DNAH7: variants seen among roughly 807,000 people sequenced by gnomAD.
DNAH7 encodes the protein dynein axonemal heavy chain 7.
In DNAH7, 397 loss-of-function variants were observed where a neutral mutation model predicts 444.6. The ratio of observed to expected loss-of-function variants is 0.89; its 90% CI spans 0.82 to 0.97. The LOEUF is 0.97. Ranked by LOEUF, DNAH7 falls within the 50% of genes least tolerant of loss-of-function variation. The pLI is 0.00. For synonymous variants in DNAH7, 1,636 were observed against 1,624.4 expected (o/e 1.01, Z -0.17); for missense variants, 4,902 against 4,800.8 (o/e 1.02, Z -0.62).
chr2:195,833,580 T>A (rs897596890), intron 48 of DNAH7, among the ~76,000 whole-genome samples: 2 of 152,212 alleles, frequency 1.3e-5, no homozygotes, highest in African/African-American at 4.8e-5. Flanking sequence ...ATTTAAAGCA[T>A]GACTAATAAC....
intron 5 of DNAH7, among the ~76,000 whole-genome samples, chr2:196,040,987 A>G (rs536560558): frequency 6.6e-6 from 1 of 152,216 alleles, no homozygotes; most frequent in African/African-American, 2.4e-5. Flanking sequence ...ATTACCTAGG[A>G]AGAAATTTAA....
intron 12 of DNAH7, among the ~76,000 whole-genome samples, chr2:195,988,524 A>C (rs1230687954): frequency 6.6e-6 from 1 of 152,126 alleles, no homozygotes; most frequent in Admixed American, 6.6e-5. Flanking sequence ...AGAATAAAAA[A>C]CAGCAAGATA....
intron 39 of DNAH7, 24 bp from the exon 40 acceptor site, chr2:195,872,493 G>A: frequency 1.3e-6 from 2 of 1,490,526 alleles, no homozygotes; most frequent in Non-Finnish European, 1.8e-6. Context: ...TAAATAAAAA[G>A]AAAGGAAAAT....
rs375585170 is a variant in DNAH7, at chr2:195,835,117, A to T, written c.8946-757T>A. ...CAATTACTGTATGATATTCAACCAC[A>T]TAGCTTTCCACCTTGTGTGAAATGT... is the stretch of plus-strand genomic sequence containing the variant. On this transcript the variant is annotated intron_variant, in intron 47 of 64. Transcript: ENST00000312428. 1.3e-3 allele frequency among the ~76,000 whole-genome samples: 202 copies of T among 152,316 alleles called. 7 individuals are homozygous for T. The South Asian group carries it at 0.034, about 26-fold the overall frequency.
intron 14 of DNAH7, 40 bp from the exon 15 acceptor site, chr2:195,984,750 T>G: frequency 6.5e-7 from 1 of 1,534,004 alleles, no homozygotes; most frequent in Non-Finnish European, 9.0e-7. Context: ...TATTTACAGT[T>G]CAATTTAATT....
chr2:195,754,524 A>G lies in DNAH7; in HGVS notation c.11587-10T>C. On this transcript the variant is annotated splice_polypyrimidine_tract_variant and intron_variant, in intron 62 of 64. Coordinates refer to ENST00000312428, the MANE Select transcript of DNAH7 (RefSeq NM_018897.3). ...CAACCTCATACCATTGCTAGGGTGT[A>G]AAACACAAGTGGGCTAACAGTAGCA... 1.2e-6 allele frequency: 2 copies of G among 1,612,396 alleles called. No homozygotes were observed. Among genetic ancestry groups the G allele is most frequent in the Non-Finnish European group, 8.5e-7 (1 of 1,179,256 alleles).
At chr2:195,895,815 T>C (rs1338826678) in intron 29 of DNAH7, among the ~76,000 whole-genome samples, 1 of 152,228 alleles carries the variant, frequency 6.6e-6, no homozygotes, top group Non-Finnish European at 1.5e-5. Context: ...ATATACATAC[T>C]ACTTTTTCCC....
chr2:195,854,453 A>G (rs1008758341), intron 45 of DNAH7, among the ~76,000 whole-genome samples: 1 of 152,224 alleles, frequency 6.6e-6, no homozygotes, highest in Non-Finnish European at 1.5e-5. Flanking sequence ...TTCTGTATCA[A>G]TTTATCTAAA....
At chr2:196,015,946 C>A (rs929071444) in intron 9 of DNAH7, among the ~76,000 whole-genome samples, 1 of 152,186 alleles carries the variant, frequency 6.6e-6, no homozygotes, top group Non-Finnish European at 1.5e-5. Context: ...TTCTTTCACC[C>A]ACAGACTGCA....
rs377019143 is a variant in DNAH7, at chr2:195,874,675, A to G, written c.6287-981T>C. ...TCTCCACAAAATATGAAACAAAATTAGCCATGCATGGTGATGCATGCCTGT... is the reference window on the plus strand; with the variant it reads ...TCTCCACAAAATATGAAACAAAATTGGCCATGCATGGTGATGCATGCCTGT... On this transcript the variant is annotated intron_variant, in intron 38 of 64. Coordinates refer to ENST00000312428, the MANE Select transcript of DNAH7 (RefSeq NM_018897.3). Among the ~76,000 whole-genome samples the G allele has an allele frequency of 3.9e-5, 6 of 151,994 alleles. 1 individual carries two copies. The South Asian group carries it at 1.0e-3, about 26-fold the overall frequency.
chr2:195,741,067 A>C, intron 63 of DNAH7, 198 bp from the exon 64 acceptor site: 1 of 276,498 alleles, frequency 3.6e-6, no homozygotes, highest in Non-Finnish European at 6.8e-6. Context: ...CTAGTGAAAT[A>C]AGACAATAGT....
intron 8 of DNAH7, among the ~76,000 whole-genome samples, chr2:196,022,378 G>C (rs1695436103): frequency 6.6e-6 from 1 of 152,160 alleles, no homozygotes; most frequent in African/African-American, 2.4e-5. Context: ...TACCCAACTA[G>C]AACTTCTTTC....
At chr2:195,938,191 T>C (rs1023374023) in intron 19 of DNAH7, among the ~76,000 whole-genome samples, 6 of 152,068 alleles carry the variant, frequency 3.9e-5, no homozygotes, top group African/African-American at 1.4e-4. Context: ...GAAACAGCAA[T>C]TTAATCAAAG....
rs781194016 is a variant in DNAH7 at position 195,936,666 on chromosome 2, G to A, written c.3205C>T (p.Pro1069Ser). 4 of 1,604,576 alleles carry A rather than the reference G, an allele frequency of 2.5e-6. No individual in the cohort carries two copies. The highest frequency in any genetic ancestry group is 8.5e-7 in the Non-Finnish European group (1 of 1,176,728). ...TCATTGGACAAAAAAAAGAATCTGG[G>A]GAAAAAGAGGCGTTTCTTTTCCAAA... Reference protein sequence around the residue: ...EYLEKKRLFFPRFFFLSNDEL... With the variant: ...EYLEKKRLFFSRFFFLSNDEL... Residue 1069 changes from proline to serine, a missense_variant, in exon 20 of 65, where the codon CCC becomes TCC. Physicochemically the swap from Pro to Ser is moderately conservative, Grantham distance 74 (BLOSUM62 -1). Coordinates refer to ENST00000312428, the MANE Select transcript of DNAH7 (RefSeq NM_018897.3).
intron 55 of DNAH7, among the ~76,000 whole-genome samples, chr2:195,798,162 G>GT (rs2105998523): frequency 2.0e-5 from 3 of 152,064 alleles, no homozygotes; most frequent in African/African-American, 7.2e-5. Flanking sequence ...TTTTGGCCTA[G>GT]TAAATTTTTT....
intron 42 of DNAH7, among the ~76,000 whole-genome samples, chr2:195,860,270 G>A (rs2125074443): frequency 6.6e-6 from 1 of 152,016 alleles, no homozygotes; most frequent in East Asian, 1.9e-4. Flanking sequence ...TTACTATTGT[G>A]AGTGCAGAGT....
chr2:195,959,944 A>G (rs977560384), intron 18 of DNAH7, among the ~76,000 whole-genome samples: 1 of 152,362 alleles, frequency 6.6e-6, no homozygotes. Context: ...TGTAGGCAAT[A>G]AAAACGAATA....
intron 61 of DNAH7, among the ~76,000 whole-genome samples, chr2:195,761,369 T>A (rs949403739): frequency 6.6e-6 from 1 of 152,060 alleles, no homozygotes; most frequent in Non-Finnish European, 1.5e-5. Flanking sequence ...AATCTAACAC[T>A]TATTGGCCTT....
chr2:195,807,514 TAAATA>T (rs1441746506), intron 53 of DNAH7, among the ~76,000 whole-genome samples: 2 of 152,180 alleles, frequency 1.3e-5, no homozygotes, highest in Non-Finnish European at 2.9e-5. Flanking sequence ...TTTACAAAAA[TAAATA>T]AATATTTCAA....
Sources: allele counts gnomAD v4.1 joint callset (sites outside exome capture counted in the v4.1 genomes callset), GRCh38; gene constraint gnomAD v4.1.1; transcripts MANE v1.5; gene names NCBI Gene and HGNC (gene_info 2026-07-23, HGNC 2026-07-21).